The following TTLL5 variants were observed in gnomAD, a reference collection of about 807,000 sequenced individuals.
The protein encoded by TTLL5 is tubulin polyglutamylase TTLL5.
TTLL5 carries 132 observed loss-of-function variants against 168.4 expected under a neutral mutation model. The ratio of observed to expected loss-of-function variants is 0.78; its 90% CI spans 0.68 to 0.91. TTLL5 has a LOEUF of 0.91. TTLL5 is among the 40% of genes least tolerant of loss of function. The probability of loss-of-function intolerance (pLI) is 0.00; values close to 1 mark genes in which losing one functional copy is unlikely to be tolerated. For synonymous variants in TTLL5, 546 were observed against 558.6 expected, an observed-to-expected ratio of 0.98 and a Z score of 0.32; for missense variants, 1,545 against 1,581.5, an observed-to-expected ratio of 0.98 and a Z score of 0.39.
In TTLL5 at chr14:75,663,227, A is replaced by G. The variant is rs764491530; in HGVS notation, c.74+4A>G. On this transcript the variant is annotated splice_donor_region_variant and intron_variant, in intron 2 of 31. Coordinates refer to ENST00000298832, the MANE Select transcript of TTLL5 (RefSeq NM_015072.5). ...ATGAGGAGGTCATAAGTCAAGAGTAAGTAATAGCAAGCCTGCTTTCAACCT... is the reference window on the plus strand; with the variant it reads ...ATGAGGAGGTCATAAGTCAAGAGTAGGTAATAGCAAGCCTGCTTTCAACCT... The G allele has an allele frequency of 2.5e-6, 4 of 1,610,272 alleles. No individual in the cohort carries two copies. Among genetic ancestry groups the G allele is most frequent in the South Asian group, 1.1e-5 (1 of 89,888 alleles).
At chr14:75,814,627 T>A (rs563620772) in intron 27 of TTLL5, 1 of 152,328 alleles carries the variant, frequency 6.6e-6, no homozygotes, top group Non-Finnish European at 1.5e-5. Flanking sequence ...TTTTGTTCAG[T>A]GACTCCTTCT....
At position 75,770,532 on chromosome 14, in the gene TTLL5, T is replaced by C. The variant is rs916238645; in HGVS notation, c.2016-1202T>C. Among the ~76,000 whole-genome samples the C allele has an allele frequency of 7.2e-5, 11 of 152,336 alleles. No homozygotes were observed. In the South Asian group the frequency reaches 1.9e-3, roughly 26 times the overall value. On this transcript the variant is annotated intron_variant, in intron 20 of 31. Coordinates refer to ENST00000298832, the MANE Select transcript of TTLL5 (RefSeq NM_015072.5). ...TGTTGGGCCCTAATCTTCGCTGATA[T>C]AATTTTGGCTACAGTATCAGAAGGC... is the stretch of plus-strand genomic sequence containing the variant.
At chr14:75,848,560 G>A (rs752391320) in intron 28 of TTLL5, among the ~76,000 whole-genome samples, 17 of 152,218 alleles carry the variant, frequency 1.1e-4, no homozygotes, top group Non-Finnish European at 2.2e-4. Context: ...ACTGGTGTCA[G>A]GGAGTTCTCC....
intron 18 of TTLL5, among the ~76,000 whole-genome samples, chr14:75,763,947 C>T (rs2140295844): frequency 6.6e-6 from 1 of 152,258 alleles, no homozygotes; most frequent in East Asian, 1.9e-4. Flanking sequence ...GTCCCTGCCA[C>T]CTTGCTCCAC....
Position 75,779,556 on chromosome 14 carries a change from CT to C in TTLL5, c.2388-14del. ...CAGAATAGCTTCCTGTCTGACCATA[CT>C]TTTTCTCCTCATTTCAGTGAGGCTG... On this transcript the variant is annotated intron_variant, in intron 23 of 31. Coordinates refer to ENST00000298832, the MANE Select transcript of TTLL5 (RefSeq NM_015072.5). The C allele has an allele frequency of 6.2e-7, 1 of 1,609,192 alleles. No homozygotes were observed. Among genetic ancestry groups the C allele is most frequent in the Admixed American group, 1.7e-5 (1 of 59,020 alleles).
chr14:75,784,326 A>G (rs1014731529), intron 26 of TTLL5, among the ~76,000 whole-genome samples: 4 of 152,212 alleles, frequency 2.6e-5, no homozygotes, highest in Non-Finnish European at 4.4e-5. Context: ...TATTCTGGAC[A>G]TTGTATATAA....
chr14:75,680,553 C>T (rs981478452), intron 3 of TTLL5, among the ~76,000 whole-genome samples: 1 of 151,912 alleles, frequency 6.6e-6, no homozygotes, highest in Non-Finnish European at 1.5e-5. Flanking sequence ...AGTTTCTAAC[C>T]TCTGGTCTAA....
At chr14:75,784,548 AT>A (rs1321913483) in intron 26 of TTLL5, among the ~76,000 whole-genome samples, 1 of 152,212 alleles carries the variant, frequency 6.6e-6, no homozygotes, top group African/African-American at 2.4e-5. Flanking sequence ...TGCTATGAAC[AT>A]TTGTTTGTAA....
At chr14:75,791,994 G>A (rs1221448131) in intron 26 of TTLL5, among the ~76,000 whole-genome samples, 1 of 151,774 alleles carries the variant, frequency 6.6e-6, no homozygotes, top group African/African-American at 2.4e-5. Flanking sequence ...CTGTAACCTT[G>A]AACTCCTGGG....
At chr14:75,898,714 A>G (rs957723088) in intron 30 of TTLL5, among the ~76,000 whole-genome samples, 1 of 152,186 alleles carries the variant, frequency 6.6e-6, no homozygotes, top group Non-Finnish European at 1.5e-5. Context: ...TCTAAATACA[A>G]ACCTACTTCA....
chr14:75,818,117 C>T (rs551038825), intron 27 of TTLL5, among the ~76,000 whole-genome samples: 7 of 152,138 alleles, frequency 4.6e-5, no homozygotes, highest in South Asian at 4.1e-4. Flanking sequence ...CGATTATAGG[C>T]GTGAGCCACC....
At chr14:75,880,205 A>T (rs185840123) in intron 29 of TTLL5, among the ~76,000 whole-genome samples, 3 of 151,874 alleles carry the variant, frequency 2.0e-5, no homozygotes, top group South Asian at 2.1e-4. Flanking sequence ...TATTCTTTTT[A>T]AAAAAAACAA....
chr14:75,673,887 C>G (rs975149052), intron 3 of TTLL5, among the ~76,000 whole-genome samples: 5 of 152,084 alleles, frequency 3.3e-5, no homozygotes, highest in Non-Finnish European at 7.4e-5. Flanking sequence ...TTCTCTGAAG[C>G]CTGAGTAACT....
At chr14:75,670,012 G>T (rs1378487542) in intron 3 of TTLL5, among the ~76,000 whole-genome samples, 1 of 152,118 alleles carries the variant, frequency 6.6e-6, no homozygotes, top group African/African-American at 2.4e-5. Flanking sequence ...CATGTGATAT[G>T]TGACCTTTTT....
chr14:75,703,999 T>G (rs1386478473), intron 7 of TTLL5, among the ~76,000 whole-genome samples: 2 of 152,228 alleles, frequency 1.3e-5, no homozygotes, highest in Admixed American at 1.3e-4. Flanking sequence ...CCACATATAT[T>G]CTGTTAAGTT....
chr14:75,780,944 G>A (rs1165069356), intron 24 of TTLL5, among the ~76,000 whole-genome samples: 3 of 152,152 alleles, frequency 2.0e-5, no homozygotes, highest in African/African-American at 7.2e-5. Context: ...GACTGTCACA[G>A]TCTTTAACTT....
intron 21 of TTLL5, among the ~76,000 whole-genome samples, chr14:75,774,547 C>T (rs560110565): frequency 4.6e-5 from 7 of 152,172 alleles, no homozygotes; most frequent in Non-Finnish European, 8.8e-5. Context: ...TTTATTGAAA[C>T]TGTTTTCTTG....
At chr14:75,917,709 C>T (rs2140130062) in intron 31 of TTLL5, among the ~76,000 whole-genome samples, 1 of 152,264 alleles carries the variant, frequency 6.6e-6, no homozygotes, top group South Asian at 2.1e-4. Flanking sequence ...CCCACATGCC[C>T]GAACCGCCTT....
At chr14:75,882,181 T>C (rs1180375318) in intron 29 of TTLL5, among the ~76,000 whole-genome samples, 2 of 152,268 alleles carry the variant, frequency 1.3e-5, no homozygotes, top group Non-Finnish European at 2.9e-5. Flanking sequence ...CTCATCTTTC[T>C]GTATTGCTCA....
Sources: allele counts gnomAD v4.1 joint callset (sites outside exome capture counted in the v4.1 genomes callset), GRCh38; gene constraint gnomAD v4.1.1; transcripts MANE v1.5; gene names NCBI Gene and HGNC (gene_info 2026-07-23, HGNC 2026-07-21).